Variants in REC114 observed in about 807,000 individuals in gnomAD.
REC114 encodes meiotic recombination protein REC114.
In REC114, 27 loss-of-function variants were observed where a neutral mutation model predicts 31.3. The observed-to-expected ratio is 0.86, with a 90% CI of 0.64 to 1.19. The LOEUF is 1.19. REC114 is among the 50% of genes most tolerant of loss of function. REC114 has a pLI of 0.00. For missense variants in REC114, 344 were observed against 326.9 expected, an observed-to-expected ratio of 1.05 and a Z score of -0.40; for synonymous variants, 134 against 127.7, an observed-to-expected ratio of 1.05 and a Z score of -0.33.
intron 1 of REC114, among the ~76,000 whole-genome samples, chr15:73,455,562 G>C (rs538793486): frequency 6.6e-6 from 1 of 152,126 alleles, no homozygotes; most frequent in African/African-American, 2.4e-5. Context: ...CGAAGTCCTA[G>C]TTGAGAGGGA....
chr15:73,499,123 C>T (rs991215026), intron 2 of REC114, among the ~76,000 whole-genome samples: 12 of 151,940 alleles, frequency 7.9e-5, no homozygotes, highest in Admixed American at 2.0e-4. Context: ...CAATGGCAAG[C>T]GCATTGGACA....
At chr15:73,519,097 A>G (rs766837394) in intron 2 of REC114, among the ~76,000 whole-genome samples, 3 of 152,218 alleles carry the variant, frequency 2.0e-5, no homozygotes, top group East Asian at 1.9e-4. Flanking sequence ...GAAAGTAACA[A>G]GTGTTGGTGC....
intron 2 of REC114, among the ~76,000 whole-genome samples, chr15:73,529,967 A>C (rs958507122): frequency 6.6e-6 from 1 of 152,224 alleles, no homozygotes; most frequent in Non-Finnish European, 1.5e-5. Flanking sequence ...TGTAAAACAC[A>C]GTCGTCCTTT....
rs1169534905 is a variant in REC114 at position 73,479,193 on chromosome 15, G to GT, written c.249+5283dup. Among the ~76,000 whole-genome samples, 457 of 144,554 alleles carry GT rather than the reference G, an allele frequency of 3.2e-3. 1 individual carries two copies. The highest frequency in any genetic ancestry group is 5.8e-3 in the African/African-American group (229 of 39,808). 94.8% of individuals were successfully genotyped at this position (144,554 alleles called of 152,430 possible). A position where few individuals can be genotyped will look rare whatever the true frequency, so the allele number is the denominator to read the frequency against. ...CCATTAAATATAATGTTAGCTGTAG[G>GT]TTTTTTTTTTTGTAGATCCAATTCA... is the stretch of plus-strand genomic sequence containing the variant. On this transcript the variant is annotated intron_variant, in intron 2 of 5. Coordinates refer to ENST00000331090, the MANE Select transcript of REC114 (RefSeq NM_001042367.2).
At chr15:73,488,600 T>C (rs2141301221) in intron 2 of REC114, among the ~76,000 whole-genome samples, 1 of 152,358 alleles carries the variant, frequency 6.6e-6, no homozygotes, top group South Asian at 2.1e-4. Context: ...TCAACCAAGT[T>C]CTTTGCCATT....
intron 2 of REC114, among the ~76,000 whole-genome samples, chr15:73,506,909 T>C (rs1893686097): frequency 6.6e-6 from 1 of 152,130 alleles, no homozygotes; most frequent in Admixed American, 6.6e-5. Flanking sequence ...CTTTGGTATA[T>C]CAAATAAAAT....
intron 2 of REC114, among the ~76,000 whole-genome samples, chr15:73,529,173 T>C (rs1894043474): frequency 6.6e-6 from 1 of 151,892 alleles, no homozygotes; most frequent in Non-Finnish European, 1.5e-5. Flanking sequence ...AGTCTCGCTC[T>C]GTCGCCCAGG....
intron 1 of REC114, among the ~76,000 whole-genome samples, chr15:73,468,659 C>T (rs1022685785): frequency 5.4e-5 from 8 of 148,652 alleles, no homozygotes; most frequent in African/African-American, 2.0e-4. Context: ...AGAAAGCTTT[C>T]AGTATGAAGT....
intron 1 of REC114, among the ~76,000 whole-genome samples, chr15:73,471,193 T>G (rs1208036643): frequency 2.6e-5 from 4 of 152,142 alleles, no homozygotes; most frequent in African/African-American, 9.7e-5. Flanking sequence ...GTTAGGAGAT[T>G]ATTATAATAA....
chr15:73,515,466 G>C (rs567533360), intron 2 of REC114, among the ~76,000 whole-genome samples: 1 of 152,130 alleles, frequency 6.6e-6, no homozygotes, highest in African/African-American at 2.4e-5. Flanking sequence ...GACAACTCTT[G>C]TGGGCTTTTA....
intron 5 of REC114, among the ~76,000 whole-genome samples, chr15:73,559,020 C>T (rs529358289): frequency 6.6e-6 from 1 of 152,282 alleles, no homozygotes; most frequent in African/African-American, 2.4e-5. Flanking sequence ...CAAATGTATT[C>T]ATTATGCTAA....
intron 1 of REC114, among the ~76,000 whole-genome samples, chr15:73,459,232 T>C (rs2151253683): frequency 6.6e-6 from 1 of 150,526 alleles, no homozygotes; most frequent in Non-Finnish European, 1.5e-5. Flanking sequence ...TTTTCTTTTT[T>C]CTTTTTTTTT....
At chr15:73,547,460 T>A (rs924030777) in intron 3 of REC114, among the ~76,000 whole-genome samples, 1 of 152,116 alleles carries the variant, frequency 6.6e-6, no homozygotes, top group Non-Finnish European at 1.5e-5. Context: ...TGTAAACTAG[T>A]ACAACCATTA....
At chr15:73,518,690 C>T (rs900415480) in intron 2 of REC114, among the ~76,000 whole-genome samples, 4 of 152,066 alleles carry the variant, frequency 2.6e-5, no homozygotes, top group African/African-American at 4.8e-5. Flanking sequence ...AAAGGAAAAC[C>T]GAAGAATGCA....
chr15:73,488,167 C>T (rs908846772), intron 2 of REC114, among the ~76,000 whole-genome samples: 1 of 152,206 alleles, frequency 6.6e-6, no homozygotes, highest in Non-Finnish European at 1.5e-5. Flanking sequence ...TCCCTTAAAA[C>T]TGTTCTGCCC....
intron 1 of REC114, among the ~76,000 whole-genome samples, chr15:73,468,932 C>T (rs56247697): frequency 0.16 from 24,856 of 151,746 alleles, 3,230 homozygotes; most frequent in African/African-American, 0.36. Context: ...ATATTTGGGG[C>T]TTTTTTTCAG....
At chr15:73,505,746 A>G (rs1201567518) in intron 2 of REC114, among the ~76,000 whole-genome samples, 1 of 152,064 alleles carries the variant, frequency 6.6e-6, no homozygotes, top group Non-Finnish European at 1.5e-5. Flanking sequence ...GTTAGCCAGG[A>G]TGGTCTCGAT....
At chr15:73,461,905 CTTTTTCTTTTTCTTTTCTTTTTTT>C (rs1892992481) in intron 1 of REC114, among the ~76,000 whole-genome samples, 1 of 78,242 alleles carries the variant, frequency 1.3e-5, no homozygotes, top group African/African-American at 4.1e-5. Flanking sequence ...TAACATTTTT[CTTTTTCTTTTTCTTTTCTTTTTTT>C]TTTTTTTTTT....
intron 1 of REC114, among the ~76,000 whole-genome samples, chr15:73,472,457 A>G (rs919713862): frequency 6.6e-6 from 1 of 152,244 alleles, no homozygotes; most frequent in Non-Finnish European, 1.5e-5. Flanking sequence ...GGATTTAAAT[A>G]TAGCATTAAA....
Sources: gnomAD v4.1 joint callset for allele counts (sites outside exome capture counted in the v4.1 genomes callset) on GRCh38, gnomAD v4.1.1 for gene constraint, MANE v1.5 for transcripts, NCBI Gene and HGNC (gene_info 2026-07-23, HGNC 2026-07-21) for gene names.